The following SOX6 variants were observed in gnomAD, a reference collection of about 807,000 sequenced individuals.
SOX6 encodes the protein transcription factor SOX-6.
SOX6 carries 11 observed loss-of-function variants against 97.8 expected under a neutral mutation model. The ratio of observed to expected loss-of-function variants is 0.11; its 90% CI spans 0.07 to 0.19. The LOEUF (loss-of-function observed/expected upper bound fraction) is 0.19, where lower values mean the gene tolerates loss of function less well. SOX6 is among the 10% of genes least tolerant of loss of function. The pLI is 1.00. For missense variants in SOX6, 810 were observed against 1,039.5 expected (o/e 0.78, Z 3.04); for synonymous variants, 360 against 371.4 (o/e 0.97, Z 0.35).
chr11:16,073,677 CCACA>C (rs1479348745), intron 9 of SOX6, among the ~76,000 whole-genome samples: 1 of 152,104 alleles, frequency 6.6e-6, no homozygotes, highest in Non-Finnish European at 1.5e-5. Flanking sequence ...CTAAAATTGA[CCACA>C]CAATCAGCCA....
At chr11:16,391,276 G>A (rs956447871) in intron 1 of SOX6, among the ~76,000 whole-genome samples, 8 of 152,136 alleles carry the variant, frequency 5.3e-5, no homozygotes, top group Non-Finnish European at 8.8e-5. Context: ...ACCATGGCAC[G>A]TGTATACCTA....
intron 3 of SOX6, among the ~76,000 whole-genome samples, chr11:16,235,533 C>T (rs571707790): frequency 5.7e-4 from 86 of 152,110 alleles, no homozygotes; most frequent in African/African-American, 1.9e-3. Context: ...ACAAATAGGT[C>T]ATGTTTCCAA....
intron 3 of SOX6, among the ~76,000 whole-genome samples, chr11:16,622,749 G>T (rs59736321): frequency 2.0e-5 from 3 of 151,956 alleles, no homozygotes; most frequent in Non-Finnish European, 2.9e-5. Context: ...TCTCTTTTTC[G>T]TATAATGACT....
chr11:15,974,351 T>C (rs1043000776), intron 15 of SOX6, among the ~76,000 whole-genome samples: 3 of 147,128 alleles, frequency 2.0e-5, no homozygotes, highest in South Asian at 2.1e-4. Flanking sequence ...TGCCATTCTT[T>C]TTTTTGTTTT....
chr11:16,535,360 C>A (rs72875219), intron 4 of SOX6, among the ~76,000 whole-genome samples: 16,034 of 152,220 alleles, frequency 0.11, 915 homozygotes, highest in Non-Finnish European at 0.14. Context: ...ATATTTCTTT[C>A]TTTCTTTTTT....
chr11:16,600,622 C>T (rs1443474987), intron 4 of SOX6, among the ~76,000 whole-genome samples: 5 of 152,132 alleles, frequency 3.3e-5, no homozygotes, highest in Non-Finnish European at 5.9e-5. Context: ...CAAACTATTA[C>T]AATGAATACT....
chr11:16,102,285 T>G lies in SOX6; in HGVS notation c.899-4597A>C, dbSNP rs373717154. Among the ~76,000 whole-genome samples the G allele has an allele frequency of 5.3e-5, 8 of 151,724 alleles. No homozygotes were observed. The East Asian group carries it at 1.2e-3, about 22-fold the overall frequency. On this transcript the variant is annotated intron_variant, in intron 7 of 15. Coordinates refer to ENST00000683767, the MANE Select transcript of SOX6 (RefSeq NM_001367873.1). The stretch of plus-strand genomic sequence containing the variant: ...AGAACTCAACCCCTTTCACAATAGC[T>G]GCAATAAAATAAAATACTTAGGAAT...
intron 4 of SOX6, among the ~76,000 whole-genome samples, chr11:16,566,886 G>A (rs1489304899): frequency 1.3e-5 from 2 of 152,154 alleles, no homozygotes; most frequent in African/African-American, 4.8e-5. Context: ...ATGTTCATAG[G>A]AGCACTATTC....
chr11:16,449,616 A>G (rs1859682469), intron 1 of SOX6, among the ~76,000 whole-genome samples: 1 of 152,140 alleles, frequency 6.6e-6, no homozygotes, highest in Middle Eastern at 3.2e-3. Flanking sequence ...TTTAAAATAT[A>G]TAAACCTCCA....
At chr11:16,270,731 C>T (rs1167187683) in intron 3 of SOX6, among the ~76,000 whole-genome samples, 2 of 151,250 alleles carry the variant, frequency 1.3e-5, no homozygotes, top group East Asian at 3.9e-4. Context: ...ATAAATGAAT[C>T]TTGAAAACAT....
chr11:16,253,522 A>G (rs909645906), intron 3 of SOX6, among the ~76,000 whole-genome samples: 2 of 152,116 alleles, frequency 1.3e-5, no homozygotes, highest in Non-Finnish European at 2.9e-5. Context: ...GAGCAGAGAG[A>G]CATAAATCTA....
intron 9 of SOX6, among the ~76,000 whole-genome samples, chr11:16,073,554 T>A (rs763085249): frequency 6.6e-6 from 1 of 151,984 alleles, no homozygotes; most frequent in African/African-American, 2.4e-5. Context: ...ATCTAACAAA[T>A]GTATTTGGGC....
intron 4 of SOX6, among the ~76,000 whole-genome samples, chr11:16,512,963 G>A (rs557962301): frequency 6.6e-6 from 1 of 152,144 alleles, no homozygotes; most frequent in Non-Finnish European, 1.5e-5. Context: ...TACCAAATAA[G>A]TCAGTTCCTT....
chr11:16,375,037 G>T (rs774030061), intron 1 of SOX6, among the ~76,000 whole-genome samples: 1 of 151,776 alleles, frequency 6.6e-6, no homozygotes, highest in Non-Finnish European at 1.5e-5. Context: ...TTTAAGAATG[G>T]AACTTCAAAA....
chr11:16,624,839 G>A (rs796275916), intron 3 of SOX6, among the ~76,000 whole-genome samples: 1 of 152,136 alleles, frequency 6.6e-6, no homozygotes, highest in South Asian at 2.1e-4. Flanking sequence ...CATTCTAGAG[G>A]ATGTGTTTTA....
At chr11:16,631,839 C>T (rs1376133495) in intron 3 of SOX6, among the ~76,000 whole-genome samples, 1 of 152,100 alleles carries the variant, frequency 6.6e-6, no homozygotes, top group African/African-American at 2.4e-5. Flanking sequence ...GGTCTTCAAG[C>T]TCTGAAATTA....
chr11:16,331,671 G>T (rs1856305878), intron 2 of SOX6, among the ~76,000 whole-genome samples: 1 of 152,128 alleles, frequency 6.6e-6, no homozygotes, highest in African/African-American at 2.4e-5. Flanking sequence ...TTCCTCAGAG[G>T]TTATGTTACT....
At chr11:16,399,567 A>C (rs1858489320) in intron 1 of SOX6, among the ~76,000 whole-genome samples, 1 of 151,434 alleles carries the variant, frequency 6.6e-6, no homozygotes, top group South Asian at 2.1e-4. Flanking sequence ...GTCTCTCCTA[A>C]GGAAATTTTA....
rs555752459 is a variant in SOX6, at chr11:16,060,630, G to T, written c.1102-4729C>A. 1.2e-4 allele frequency among the ~76,000 whole-genome samples: 19 copies of T among 152,020 alleles called. No homozygotes were observed. In the East Asian group the frequency reaches 2.9e-3, roughly 23 times the overall value. On this transcript the variant is annotated intron_variant, in intron 9 of 15. Transcript: ENST00000683767. ...TAAGTTTGTCTTGGATAATATGAAT[G>T]TCATTAAATGAATAGGTATAAGCTT...
Sources: gnomAD v4.1 joint callset for allele counts (sites outside exome capture counted in the v4.1 genomes callset) on GRCh38, gnomAD v4.1.1 for gene constraint, MANE v1.5 for transcripts, NCBI Gene and HGNC (gene_info 2026-07-23, HGNC 2026-07-21) for gene names.